Variants in PLCG2 observed in about 807,000 individuals in gnomAD.
The protein encoded by PLCG2 is 1-phosphatidylinositol 4,5-bisphosphate phosphodiesterase gamma-2.
PLCG2 carries 69 observed loss-of-function variants against 175.6 expected under a neutral mutation model. The ratio of observed to expected loss-of-function variants is 0.39; its 90% CI spans 0.32 to 0.48. The LOEUF is 0.48. Among genes scored for constraint, PLCG2 ranks in the 20% least tolerant of loss-of-function variants. The pLI is 0.91. For synonymous variants in PLCG2, 827 were observed against 624.0 expected (o/e 1.33, Z -4.85); for missense variants, 1,798 against 1,650.9 (o/e 1.09, Z -1.54).
At chr16:81,887,951 A>G (rs2143591387) in intron 9 of PLCG2, among the ~76,000 whole-genome samples, 1 of 152,346 alleles carries the variant, frequency 6.6e-6, no homozygotes, top group East Asian at 1.9e-4. Context: ...AGACGTTATC[A>G]GTGTTTCAGC....
Position 81,960,198 on chromosome 16 carries a change from T to C in PLCG2, c.*2200T>C, listed in dbSNP as rs1205987297. 4.5e-6 allele frequency: 1 copy of C among 220,276 alleles called. No homozygotes were observed. Among genetic ancestry groups the C allele is most frequent in the Non-Finnish European group, 9.1e-6 (1 of 109,922 alleles). 13.6% of individuals were successfully genotyped at this position (220,276 alleles called of 1,614,324 possible). On this transcript the variant is annotated 3_prime_UTR_variant, in exon 33 of 33. Coordinates refer to ENST00000564138, the MANE Select transcript of PLCG2 (RefSeq NM_002661.5). ...TCCTTGACAGAGTAACACGTTAATCTGGTTCTTGGTGGTGTTAGGGACTGA... is the reference window on the plus strand; with the variant it reads ...TCCTTGACAGAGTAACACGTTAATCCGGTTCTTGGTGGTGTTAGGGACTGA...
intron 2 of PLCG2, among the ~76,000 whole-genome samples, chr16:81,795,688 C>A (rs1029493397): frequency 6.6e-6 from 1 of 151,954 alleles, no homozygotes; most frequent in African/African-American, 2.4e-5. Flanking sequence ...GTACCTGTTT[C>A]CTCCCACCTG....
At chr16:81,780,080 G>C (rs746928073) in intron 1 of PLCG2, among the ~76,000 whole-genome samples, 5 of 152,112 alleles carry the variant, frequency 3.3e-5, no homozygotes, top group Non-Finnish European at 5.9e-5. Context: ...GGAGCTCCTG[G>C]ATTCCAGCAG....
chr16:81,907,743 T>C lies in PLCG2; in HGVS notation c.1526T>C (p.Ile509Thr), dbSNP rs753771037. The C allele has an allele frequency of 1.4e-5, 22 of 1,613,778 alleles. No individual in the cohort carries two copies. The highest frequency in any genetic ancestry group is 4.5e-5 in the East Asian group (2 of 44,876). The change falls in exon 16 of 33, where the codon ATT becomes ACT. Residue 509 changes from isoleucine to threonine, a missense_variant. Coordinates refer to ENST00000564138, the MANE Select transcript of PLCG2 (RefSeq NM_002661.5). ...ADAKLSFSDD[I>T]EQTMEEEVPQ... ...GCCAAGCTGTCCTTCAGTGATGACATTGAACAGACTATGGAGGAGGAAGTG... is the reference window on the plus strand; with the variant it reads ...GCCAAGCTGTCCTTCAGTGATGACACTGAACAGACTATGGAGGAGGAAGTG...
intron 2 of PLCG2, among the ~76,000 whole-genome samples, chr16:81,826,784 A>G (rs916017594): frequency 8.5e-5 from 13 of 152,150 alleles, no homozygotes; most frequent in Admixed American, 8.5e-4. Context: ...TCCCAAAGCC[A>G]CTTAGCTGGA....
rs114227314 is a variant in PLCG2, at chr16:81,753,084, C to T, written c.-144-2786C>T. On this transcript the variant is annotated intron_variant, in intron 1 of 5. Transcript: ENST00000565054. The stretch of plus-strand genomic sequence containing the variant: ...TCAGTCTGAGCTGTCCAGGGTGCCC[C>T]ACCAGCTTCTGCTGAGGATGGCCAG... Among the ~76,000 whole-genome samples the T allele has an allele frequency of 2.5e-3, 375 of 152,356 alleles. 3 individuals are homozygous for T. The highest frequency in any genetic ancestry group is 8.7e-3 in the African/African-American group (363 of 41,586).
chr16:81,871,905 C>A (rs1478011593), intron 7 of PLCG2, among the ~76,000 whole-genome samples: 1 of 152,138 alleles, frequency 6.6e-6, no homozygotes, highest in Non-Finnish European at 1.5e-5. Flanking sequence ...TATTATGTGA[C>A]ATTATGCAGC....
chr16:81,905,281 C>T, intron 14 of PLCG2, 122 bp from the exon 15 acceptor site: 2 of 681,530 alleles, frequency 2.9e-6, no homozygotes, highest in Non-Finnish European at 5.3e-6. Context: ...AAGAGGGAAG[C>T]CAGGCAGCAA....
chr16:81,855,174 C>T (rs1906620318), intron 3 of PLCG2, among the ~76,000 whole-genome samples: 1 of 134,320 alleles, frequency 7.4e-6, no homozygotes, highest in South Asian at 2.3e-4. Context: ...GTCTGGGTGA[C>T]AGAGCAAGAC....
At chr16:81,791,787 G>C (rs1311516247) in intron 2 of PLCG2, among the ~76,000 whole-genome samples, 1 of 152,044 alleles carries the variant, frequency 6.6e-6, no homozygotes, top group Admixed American at 6.6e-5. Flanking sequence ...CTGGTCTTGA[G>C]CTCCTGACCT....
At chr16:81,943,492 G>A (rs973460354) in intron 30 of PLCG2, among the ~76,000 whole-genome samples, 5 of 152,078 alleles carry the variant, frequency 3.3e-5, no homozygotes, top group African/African-American at 4.8e-5. Flanking sequence ...CCTCCCACCC[G>A]GCCCCAGCTC....
intron 9 of PLCG2, among the ~76,000 whole-genome samples, chr16:81,885,012 C>G (rs558906161): frequency 2.6e-5 from 4 of 151,912 alleles, no homozygotes; most frequent in African/African-American, 7.3e-5. Flanking sequence ...CTCAGCCTCC[C>G]GAATAGCTGG....
At chr16:81,793,016 T>C (rs748610581) in intron 2 of PLCG2, among the ~76,000 whole-genome samples, 7 of 152,218 alleles carry the variant, frequency 4.6e-5, no homozygotes, top group Non-Finnish European at 7.3e-5. Flanking sequence ...CTTTTTAAGA[T>C]GTGGGAAATA....
chr16:81,783,627 G>A lies in PLCG2; in HGVS notation c.-47-2316G>A, dbSNP rs574090914. 1.2e-4 allele frequency among the ~76,000 whole-genome samples: 18 copies of A among 152,244 alleles called. No individual in the cohort carries two copies. The South Asian group carries it at 2.5e-3, about 21-fold the overall frequency. On this transcript the variant is annotated intron_variant, in intron 1 of 32. Transcript: ENST00000564138. ...TGACCTCTTGGGATTTCAGTTTTCCGCTGCCGTATTTCCCATTGAGATAAA... is the reference window on the plus strand; with the variant it reads ...TGACCTCTTGGGATTTCAGTTTTCCACTGCCGTATTTCCCATTGAGATAAA...
At chr16:81,768,295 C>A (rs554673672) in intron 2 of PLCG2, among the ~76,000 whole-genome samples, 1 of 152,108 alleles carries the variant, frequency 6.6e-6, no homozygotes, top group Non-Finnish European at 1.5e-5. Flanking sequence ...GTTTGTTTAT[C>A]CAGTCACAAA....
At chr16:81,878,467 C>T (rs887883729) in intron 7 of PLCG2, among the ~76,000 whole-genome samples, 1 of 152,170 alleles carries the variant, frequency 6.6e-6, no homozygotes, top group Non-Finnish European at 1.5e-5. Context: ...ATAATACTAG[C>T]TATAACTTTT....
In PLCG2 at chr16:81,816,651, A is replaced by ACTTTTTTTTTTTTTTTT. The variant is rs1555509092; in HGVS notation, c.193+30469_193+30470insCTTTTTTTTTTTTTTTT. ...GCACCACCATGCCCAGCTAATTTTA[A>ACTTTTTTTTTTTTTTTT]TTTTTTTTTTTTTTTTTTTTTTTTT... On this transcript the variant is annotated intron_variant, in intron 2 of 32. Coordinates refer to ENST00000564138, the MANE Select transcript of PLCG2 (RefSeq NM_002661.5). 5.5e-5 allele frequency among the ~76,000 whole-genome samples: 6 copies of ACTTTTTTTTTTTTTTTT among 108,878 alleles called. 3 individuals are homozygous for ACTTTTTTTTTTTTTTTT. The highest frequency in any genetic ancestry group is 2.4e-4 in the Admixed American group (2 of 8,352). 71.4% of individuals were successfully genotyped at this position (108,878 alleles called of 152,430 possible). A position where few individuals can be genotyped will look rare whatever the true frequency, so the allele number is the denominator to read the frequency against.
intron 1 of PLCG2, among the ~76,000 whole-genome samples, chr16:81,743,521 C>T (rs1909641345): frequency 6.6e-6 from 1 of 152,170 alleles, no homozygotes; most frequent in Admixed American, 6.5e-5. Context: ...AGCCAGAGGC[C>T]ACAGTGGCCA....
rs193021804 is a variant in PLCG2, at chr16:81,742,424, G to A, written c.-145+3039G>A. Among the ~76,000 whole-genome samples, 356 of 152,274 alleles carry A rather than the reference G, an allele frequency of 2.3e-3. 2 individuals carry two copies. Among genetic ancestry groups the A allele is most frequent in the South Asian group, 9.3e-3 (45 of 4,818 alleles). On this transcript the variant is annotated intron_variant, in intron 1 of 5. Transcript: ENST00000565054. Reference sequence around the variant, plus strand: ...CCTGTGTATGACTCTAAGAGTGACTGCCATCTTCCATCCTACTCCTGGGGC... The same window carrying A: ...CCTGTGTATGACTCTAAGAGTGACTACCATCTTCCATCCTACTCCTGGGGC...
Sources: allele counts gnomAD v4.1 joint callset (sites outside exome capture counted in the v4.1 genomes callset), GRCh38; gene constraint gnomAD v4.1.1; transcripts MANE v1.5; gene names NCBI Gene and HGNC (gene_info 2026-07-23, HGNC 2026-07-21).